The following NCKAP5L variants were observed in gnomAD, a reference collection of about 807,000 sequenced individuals.
The protein encoded by NCKAP5L is nck-associated protein 5-like.
A neutral mutation model predicts 103.2 loss-of-function variants in NCKAP5L; 54 were observed. That is an observed-to-expected ratio of 0.52 (90% confidence interval 0.42 to 0.66). The LOEUF is 0.66. Among genes scored for constraint, NCKAP5L ranks in the 30% least tolerant of loss-of-function variants. The pLI is 0.00. For synonymous variants in NCKAP5L, 762 were observed against 748.6 expected (o/e 1.02, Z -0.29); for missense variants, 1,733 against 1,750.6 (o/e 0.99, Z 0.18).
chr12:49,824,253 T>C (rs1372807094), intron 1 of NCKAP5L, among the ~76,000 whole-genome samples: 2 of 152,136 alleles, frequency 1.3e-5, no homozygotes, highest in Non-Finnish European at 2.9e-5. Context: ...TCCACATCTA[T>C]ACAGTGTGCC....
chr12:49,824,263 C>T (rs1565598414), intron 1 of NCKAP5L, among the ~76,000 whole-genome samples: 1 of 152,230 alleles, frequency 6.6e-6, no homozygotes, highest in Non-Finnish European at 1.5e-5. Context: ...TACAGTGTGC[C>T]CAGGCACCAC....
chr12:49,801,359 A>G (rs949410172), intron 6 of NCKAP5L, among the ~76,000 whole-genome samples: 1 of 152,086 alleles, frequency 6.6e-6, no homozygotes, highest in African/African-American at 2.4e-5. Context: ...TCAGCCCAGG[A>G]GTCACTCCCA....
Position 49,793,057 on chromosome 12 carries a change from C to T in NCKAP5L, c.3341-71G>A, listed in dbSNP as rs149609786. 1.7e-4 allele frequency: 209 copies of T among 1,243,364 alleles called. 1 individual carries two copies. In the African/African-American group the frequency reaches 2.6e-3, roughly 16 times the overall value. 77.0% of individuals were successfully genotyped at this position (1,243,364 alleles called of 1,614,324 possible). The stretch of plus-strand genomic sequence containing the variant: ...CAGTCCCCGGCCTGCCTCCACTTCC[C>T]GCCCAGCCCAGGCTCCACCCTTACT... On this transcript the variant is annotated intron_variant, in intron 10 of 12. Coordinates refer to ENST00000335999, the MANE Select transcript of NCKAP5L (RefSeq NM_001037806.4).
chr12:49,796,384 G>A lies in NCKAP5L; in HGVS notation c.1476C>T (p.Gly492=). The change falls in exon 8 of 13, where the codon GGC becomes GGT. Residue 492 remains glycine (G), a synonymous_variant. Transcript: ENST00000335999. ...RNSRIPCRNS[G]SDGSPSPLLA... ...ACAGTGGGGAGGGGCTGCCGTCTGA[G>A]CCACTGTTCCGACAGGGGATTCGCG... The A allele has an allele frequency of 1.3e-6, 2 of 1,580,300 alleles. No homozygotes were observed.
chr12:49,799,397 T>G (rs1946094256), intron 6 of NCKAP5L, among the ~76,000 whole-genome samples: 1 of 151,598 alleles, frequency 6.6e-6, no homozygotes, highest in Non-Finnish European at 1.5e-5. Context: ...GCAGCCTAGA[T>G]CCCCTGGGCT....
At chr12:49,823,017 A>G (rs1946377770) in intron 1 of NCKAP5L, among the ~76,000 whole-genome samples, 1 of 150,768 alleles carries the variant, frequency 6.6e-6, no homozygotes. Context: ...GGTCAGATGA[A>G]TGTGGGGGCT....
chr12:49,806,888 G>A (rs575087823), intron 1 of NCKAP5L, among the ~76,000 whole-genome samples: 11 of 152,352 alleles, frequency 7.2e-5, no homozygotes, highest in Admixed American at 6.5e-4. Flanking sequence ...GATAATATAT[G>A]TAGAGTGTCT....
At chr12:49,819,453 A>T (rs1318388170) in intron 1 of NCKAP5L, among the ~76,000 whole-genome samples, 1 of 152,252 alleles carries the variant, frequency 6.6e-6, no homozygotes, top group Non-Finnish European at 1.5e-5. Flanking sequence ...TGAATGGATA[A>T]AGAAAAGATG....
At chr12:49,793,637 C>A in intron 9 of NCKAP5L, 97 bp downstream of exon 9, 3 of 1,420,180 alleles carry the variant, frequency 2.1e-6, no homozygotes, top group East Asian at 2.5e-5. Flanking sequence ...GCATCCGGCA[C>A]TCATGGTCTT....
At chr12:49,793,535 T>A in intron 9 of NCKAP5L, 102 bp from the exon 10 acceptor site, 1 of 1,344,462 alleles carries the variant, frequency 7.4e-7, no homozygotes, top group Non-Finnish European at 1.0e-6. Flanking sequence ...TATGAGAGTA[T>A]GAGGATTAGG....
rs1160056408 is a variant in NCKAP5L at position 49,791,616 on chromosome 12, G to C, written c.*223C>G. On this transcript the variant is annotated 3_prime_UTR_variant, in exon 13 of 13. Transcript: ENST00000335999. ...AGGAAGAGCCTTACTCTGGGTGAGA[G>C]AAGGGACCAAGGGCGGGGTCTCTCC... The C allele has an allele frequency of 8.8e-6, 4 of 452,218 alleles. No individual in the cohort carries two copies. The highest frequency in any genetic ancestry group is 7.8e-6 in the Non-Finnish European group (2 of 256,204). 28.0% of individuals were successfully genotyped at this position (452,218 alleles called of 1,614,324 possible). A position where few individuals can be genotyped will look rare whatever the true frequency, so the allele number is the denominator to read the frequency against.
chr12:49,811,310 A>G (rs530837854), intron 1 of NCKAP5L, among the ~76,000 whole-genome samples: 74 of 152,198 alleles, frequency 4.9e-4, no homozygotes, highest in African/African-American at 1.7e-3. Flanking sequence ...CTGCTCTCTC[A>G]TTCTGTGCCA....
At chr12:49,799,415 T>G (rs1190094934) in intron 6 of NCKAP5L, among the ~76,000 whole-genome samples, 2 of 151,502 alleles carry the variant, frequency 1.3e-5, no homozygotes, top group Non-Finnish European at 2.9e-5. Context: ...GCTCAAGCAA[T>G]CCTCCTGCCT....
intron 1 of NCKAP5L, among the ~76,000 whole-genome samples, chr12:49,822,306 A>C (rs1440711774): frequency 6.6e-6 from 1 of 152,166 alleles, no homozygotes; most frequent in Non-Finnish European, 1.5e-5. Context: ...TAGCAGTTCA[A>C]ACAGACTAAG....
chr12:49,820,614 C>G (rs1946351333), intron 1 of NCKAP5L, among the ~76,000 whole-genome samples: 1 of 152,206 alleles, frequency 6.6e-6, no homozygotes, highest in Non-Finnish European at 1.5e-5. Context: ...TGCACCCAGG[C>G]CCCCATCTCC....
rs536497423 is a variant in NCKAP5L, at chr12:49,812,119, G to A, written c.-98-6078C>T. Among the ~76,000 whole-genome samples the A allele has an allele frequency of 3.3e-5, 5 of 152,182 alleles. No homozygotes were observed. The East Asian group carries it at 9.7e-4, about 29-fold the overall frequency. On this transcript the variant is annotated intron_variant, in intron 1 of 12. Transcript: ENST00000335999. Reference sequence around the variant, plus strand: ...TGGTTCTTAGTATACTCAGAGATACGTGCAATCATCAACATGGTTAATTTT... The same window carrying A: ...TGGTTCTTAGTATACTCAGAGATACATGCAATCATCAACATGGTTAATTTT...
intron 8 of NCKAP5L, among the ~76,000 whole-genome samples, chr12:49,794,557 C>T (rs978784125): frequency 1.3e-5 from 2 of 152,010 alleles, no homozygotes; most frequent in Non-Finnish European, 2.9e-5. Flanking sequence ...AAATGAGAAG[C>T]CAGCAATGAG....
intron 1 of NCKAP5L, among the ~76,000 whole-genome samples, chr12:49,808,631 T>C (rs1415979993): frequency 2.6e-5 from 4 of 152,170 alleles, no homozygotes; most frequent in Non-Finnish European, 4.4e-5. Flanking sequence ...GAGTCTGGGC[T>C]TTCTGCCTGC....
chr12:49,793,309 G>T, intron 10 of NCKAP5L, 43 bp downstream of exon 10: 1 of 1,561,514 alleles, frequency 6.4e-7, no homozygotes, highest in East Asian at 2.2e-5. Context: ...AAGTGGGTAG[G>T]GGGGTGGGGG....
Sources: allele counts gnomAD v4.1 joint callset (sites outside exome capture counted in the v4.1 genomes callset), GRCh38; gene constraint gnomAD v4.1.1; transcripts MANE v1.5; gene names NCBI Gene and HGNC (gene_info 2026-07-23, HGNC 2026-07-21).